Variants in DGKQ observed in about 807,000 individuals in gnomAD.
DGKQ encodes DAG kinase theta.
DGKQ carries 97 observed loss-of-function variants against 104.2 expected under a neutral mutation model. The observed-to-expected ratio is 0.93, with a 90% CI of 0.79 to 1.10. DGKQ has a LOEUF of 1.10. Ranked by LOEUF, DGKQ falls within the 50% of genes least tolerant of loss-of-function variation. The pLI, the probability that DGKQ is intolerant of heterozygous loss-of-function variation, is 0.00. For synonymous variants in DGKQ, 736 were observed against 595.2 expected (o/e 1.24, Z -3.44); for missense variants, 1,465 against 1,352.1 (o/e 1.08, Z -1.31).
At chr4:961,016 C>T (rs1160672680) in intron 22 of DGKQ, 33 bp downstream of exon 22, 2 of 1,608,096 alleles carry the variant, frequency 1.2e-6, no homozygotes, top group East Asian at 2.2e-5. Flanking sequence ...GCCCGGCCCA[C>T]CTCCCCTGGC....
At chr4:961,888 G>T (rs1048675831) in intron 19 of DGKQ, 54 bp from the exon 20 acceptor site, 47 of 1,599,522 alleles carry the variant, frequency 2.9e-5, no homozygotes, top group Non-Finnish European at 4.0e-5. Flanking sequence ...CCCGCCTTAG[G>T]CAGCCTCCGG....
intron 13 of DGKQ, 109 bp downstream of exon 13, chr4:965,819 C>T (rs1712271456): frequency 7.8e-7 from 1 of 1,284,504 alleles, no homozygotes. Flanking sequence ...GGAGCTCAGG[C>T]CTTGGTGGCT....
At chr4:964,459 C>T (rs1712136679) in intron 15 of DGKQ, among the ~76,000 whole-genome samples, 1 of 151,872 alleles carries the variant, frequency 6.6e-6, no homozygotes, top group South Asian at 2.1e-4. Context: ...CGTGGAGTCC[C>T]AGGCTCCAGC....
At position 968,333 on chromosome 4, in the gene DGKQ, G is replaced by A. The variant is rs933879611; in HGVS notation, c.612C>T (p.Cys204=). 103 of 1,246,786 alleles carry A rather than the reference G, an allele frequency of 8.3e-5. No homozygotes were observed. The highest frequency in any genetic ancestry group is 1.0e-4 in the Non-Finnish European group (102 of 972,196). The allele number at this position is 1,246,786 out of a possible 1,614,324, so 77.2% of individuals were successfully genotyped here. ...CGCCGGCCAGCACGTCAGAGGAGCC[G>A]CACGTCTTCCTGCAGACCTCGCAGC... The part of the protein sequence containing the change: ...GARCEVCRKT[C]GSSDVLAGVR... The change falls in exon 5 of 23, where the codon TGC becomes TGT. Residue 204 remains cysteine, a synonymous_variant. Transcript: ENST00000273814.
In DGKQ at chr4:966,772, C is replaced by T; in HGVS notation, c.1342G>A (p.Glu448Lys). ...CCGTGCCTGCAGCCCATCGCCACCT[C>T]CACCAGCTGGAAGCTCTCGGGACTC... ...AESPESFQLV[E>K]VAMGCRHVQR... Residue 448 changes from glutamate (E) to lysine (K), a missense_variant, in exon 11 of 23, where the codon GAG becomes AAG. By Grantham distance (56) the Glu-to-Lys change is moderately conservative (BLOSUM62 1). Coordinates refer to ENST00000273814, the MANE Select transcript of DGKQ (RefSeq NM_001347.4). 1 of 1,609,992 alleles carries T rather than the reference C, an allele frequency of 6.2e-7. No individual in the cohort carries two copies.
At position 971,119 on chromosome 4, in the gene DGKQ, G is replaced by T; in HGVS notation, c.272-47C>A. On this transcript the variant is annotated intron_variant, in intron 1 of 22. Transcript: ENST00000273814. This position sits in a 1 kb window ranked among gnomAD's most constrained non-coding sequence, Gnocchi z 4.0. ...GAGTTGGCCCCTGTCCTACCCAATG[G>T]CTGTCCTACCCAGGAAGTTAGAGGC... 6.9e-7 allele frequency: 1 copy of T among 1,440,352 alleles called. No individual in the cohort carries two copies. Among genetic ancestry groups the T allele is most frequent in the Non-Finnish European group, 9.5e-7 (1 of 1,048,128 alleles). 89.2% of individuals were successfully genotyped at this position (1,440,352 alleles called of 1,614,324 possible).
Position 971,892 on chromosome 4 carries a change from G to A in DGKQ, c.272-820C>T, listed in dbSNP as rs1376464066. ...ACAGGGAGCTCTTCCAGAAGGCCCC[G>A]CTGGTGCCGCCCTTCACCTGCTGCA... On this transcript the variant is annotated intron_variant, in intron 1 of 22. Coordinates refer to ENST00000273814, the MANE Select transcript of DGKQ (RefSeq NM_001347.4). This position sits in a 1 kb window ranked among gnomAD's most constrained non-coding sequence, Gnocchi z 4.0. Among the ~76,000 whole-genome samples the A allele has an allele frequency of 5.3e-5, 8 of 152,198 alleles. No individual in the cohort carries two copies. The highest frequency in any genetic ancestry group is 3.9e-4 in the East Asian group (2 of 5,166).
chr4:967,707 G>A, intron 7 of DGKQ, 21 bp downstream of exon 7: 1 of 1,611,964 alleles, frequency 6.2e-7, no homozygotes. Flanking sequence ...TGGAGTTGGG[G>A]GGAATGAGGC....
At chr4:960,929 G>A (rs1382652169) in intron 22 of DGKQ, 120 bp downstream of exon 22, 10 of 1,520,698 alleles carry the variant, frequency 6.6e-6, no homozygotes, top group Admixed American at 2.1e-5. Context: ...GCACCCTCCC[G>A]GAGTCAGTGC....
chr4:970,006 A>G (rs1712803602), intron 2 of DGKQ, among the ~76,000 whole-genome samples: 1 of 152,260 alleles, frequency 6.6e-6, no homozygotes, highest in South Asian at 2.1e-4. Flanking sequence ...ATTAAAATCA[A>G]TTTTAAAAAG....
At position 963,214 on chromosome 4, in the gene DGKQ, T is replaced by C. The variant is rs1712022782; in HGVS notation, c.1811A>G (p.Asp604Gly). The C allele has an allele frequency of 1.2e-6, 2 of 1,611,470 alleles. No individual in the cohort carries two copies. Among genetic ancestry groups the C allele is most frequent in the African/African-American group, 1.3e-5 (1 of 74,922 alleles). ...NPKSGGLKGR[D>G]LLCSFRKLLN... ...TAGCTTCCGGAAGCTGCAGAGCAGG[T>C]CTCGGCCCTTGAGGCCTCCACTCTT... The change falls in exon 16 of 23, where the codon GAC becomes GGC. Residue 604 changes from aspartate to glycine, a missense_variant. Coordinates refer to ENST00000273814, the MANE Select transcript of DGKQ (RefSeq NM_001347.4).
At chr4:965,830 C>A in intron 13 of DGKQ, 98 bp downstream of exon 13, 1 of 1,367,556 alleles carries the variant, frequency 7.3e-7, no homozygotes, top group Non-Finnish European at 9.8e-7. Context: ...CTTGGTGGCT[C>A]AAGGAGAGGC....
At chr4:973,115 A>C (rs1577493663) in intron 1 of DGKQ, 97 bp downstream of exon 1, 4 of 1,314,672 alleles carry the variant, frequency 3.0e-6, no homozygotes, top group Non-Finnish European at 1.9e-6. Flanking sequence ...CCCGCCCTCC[A>C]CTCCCCCGAA....
In DGKQ at chr4:961,777, C is replaced by T; in HGVS notation, c.2373G>A (p.Arg791=). The part of the protein sequence containing the change: ...RVGLQKISHS[R]SLHKQIRLQV... The stretch of plus-strand genomic sequence containing the variant: ...GCAGCCGGATCTGCTTGTGCAGGCT[C>T]CGAGAGTGACTGATCTTCTGCAGCC... Residue 791 remains arginine (R), a synonymous_variant, in exon 20 of 23, where the codon CGG becomes CGA. Coordinates refer to ENST00000273814, the MANE Select transcript of DGKQ (RefSeq NM_001347.4). The T allele has an allele frequency of 6.2e-7, 1 of 1,611,560 alleles. No homozygotes were observed. Among genetic ancestry groups the T allele is most frequent in the Non-Finnish European group, 8.5e-7 (1 of 1,179,344 alleles).
intron 8 of DGKQ, 89 bp from the exon 9 acceptor site, chr4:967,450 G>T: frequency 7.1e-7 from 1 of 1,417,236 alleles, no homozygotes; most frequent in Non-Finnish European, 9.6e-7. Flanking sequence ...GGCCAGGTGG[G>T]TGAGGGGCGC....
chr4:965,848 G>T, intron 13 of DGKQ, 80 bp downstream of exon 13: 1 of 1,426,784 alleles, frequency 7.0e-7, no homozygotes, highest in South Asian at 1.4e-5. Context: ...GGCAGGAGCC[G>T]GCTCAGCACT....
rs551927935 is a variant in DGKQ, at chr4:961,931, A to T, written c.2315+51T>A. 220 of 1,609,540 alleles carry T rather than the reference A, an allele frequency of 1.4e-4. 1 individual carries two copies. Among genetic ancestry groups the T allele is most frequent in the Non-Finnish European group, 3.7e-5 (44 of 1,177,386 alleles). ...CCCCTCTGCCTGTTCCTGCTGGGGG[A>T]CCTGAGGGAGGTATGCCGTTGACAG... On this transcript the variant is annotated intron_variant, in intron 19 of 22. Coordinates refer to ENST00000273814, the MANE Select transcript of DGKQ (RefSeq NM_001347.4).
rs564577406 is a variant in DGKQ, at chr4:967,072, G to A, written c.1221-18C>T. The A allele has an allele frequency of 7.1e-6, 11 of 1,545,676 alleles. No individual in the cohort carries two copies. The highest frequency in any genetic ancestry group is 7.9e-6 in the Non-Finnish European group (9 of 1,143,176). ...CGCCCACCCTGTGGGGACACAGTCT[G>A]AGCTGGAGCTCCCCCCACCCCGCCC... On this transcript the variant is annotated intron_variant, in intron 9 of 22. Coordinates refer to ENST00000273814, the MANE Select transcript of DGKQ (RefSeq NM_001347.4).
In DGKQ at chr4:968,335, ACGTCTTCCTGCAGACCTCGCAGCGCG is replaced by A; in HGVS notation, c.584_609del (p.Ala195ValfsTer5). On this transcript the variant is annotated frameshift_variant, in exon 5 of 23. Coordinates refer to ENST00000273814, the MANE Select transcript of DGKQ (RefSeq NM_001347.4). LOFTEE classifies it high-confidence loss of function. The stretch of plus-strand genomic sequence containing the variant: ...CCGGCCAGCACGTCAGAGGAGCCGC[ACGTCTTCCTGCAGACCTCGCAGCGCG>A]CTCCCGAGGGCAGGTTCCCCTCCCG... The A allele has an allele frequency of 7.9e-7, 1 of 1,268,576 alleles. No individual in the cohort carries two copies. The highest frequency in any genetic ancestry group is 1.0e-6 in the Non-Finnish European group (1 of 986,786). 78.6% of individuals were successfully genotyped at this position (1,268,576 alleles called of 1,614,324 possible). A position where few individuals can be genotyped will look rare whatever the true frequency, so the allele number is the denominator to read the frequency against.
Sources: gnomAD v4.1 joint callset for allele counts (sites outside exome capture counted in the v4.1 genomes callset) on GRCh38, gnomAD v4.1.1 for gene constraint, Gnocchi (gnomAD v3.1) non-coding constraint, MANE v1.5 for transcripts, NCBI Gene and HGNC (gene_info 2026-07-23, HGNC 2026-07-21) for gene names.